The following CD47 variants were observed in gnomAD, a reference collection of about 807,000 sequenced individuals.
CD47 encodes leukocyte surface antigen CD47.
Under a neutral mutation model 44.6 loss-of-function variants are expected in CD47, and 11 were observed. The ratio of observed to expected loss-of-function variants is 0.25; its 90% CI spans 0.16 to 0.41. The LOEUF (loss-of-function observed/expected upper bound fraction) is 0.41, where lower values mean the gene tolerates loss of function less well. Ranked by LOEUF, CD47 falls within the 10% of genes least tolerant of loss-of-function variation. The probability of loss-of-function intolerance (pLI) is 1.00; values close to 1 mark genes in which losing one functional copy is unlikely to be tolerated. For missense variants in CD47, 306 were observed against 386.7 expected, an observed-to-expected ratio of 0.79 and a Z score of 1.75; for synonymous variants, 140 against 136.3, an observed-to-expected ratio of 1.03 and a Z score of -0.19.
chr3:108,080,367 T>C, intron 1 of CD47, 23 bp from the exon 2 acceptor site: 1 of 1,263,988 alleles, frequency 7.9e-7, no homozygotes, highest in Non-Finnish European at 1.1e-6. Context: ...AAGAAAAATG[T>C]TTCATTAATT....
At chr3:108,077,023 C>T (rs2079322458) in intron 2 of CD47, among the ~76,000 whole-genome samples, 1 of 152,132 alleles carries the variant, frequency 6.6e-6, no homozygotes, top group African/African-American at 2.4e-5. Context: ...CTATATCATA[C>T]ATAGGCACAG....
At chr3:108,078,999 C>G (rs1413890345) in intron 2 of CD47, among the ~76,000 whole-genome samples, 1 of 152,044 alleles carries the variant, frequency 6.6e-6, no homozygotes, top group Non-Finnish European at 1.5e-5. Context: ...GGGGCTGTAA[C>G]TCAGACCTCC....
chr3:108,061,887 GT>G (rs949468493), intron 3 of CD47, among the ~76,000 whole-genome samples: 7 of 151,990 alleles, frequency 4.6e-5, no homozygotes, highest in African/African-American at 1.2e-4. Flanking sequence ...TTAGCATTTA[GT>G]TTTTTTTCTT....
At chr3:108,070,676 A>C (rs2079183780) in intron 3 of CD47, among the ~76,000 whole-genome samples, 1 of 152,196 alleles carries the variant, frequency 6.6e-6, no homozygotes, top group Non-Finnish European at 1.5e-5. Flanking sequence ...GAGAAAATCA[A>C]ACTGGGAAAA....
At chr3:108,081,751 C>T (rs1017034989) in intron 1 of CD47, among the ~76,000 whole-genome samples, 3 of 152,028 alleles carry the variant, frequency 2.0e-5, no homozygotes, top group East Asian at 3.9e-4. Context: ...GAAAACATAG[C>T]GGCAAGTGCT....
chr3:108,076,203 A>G (rs2079307855), intron 2 of CD47, among the ~76,000 whole-genome samples: 1 of 152,190 alleles, frequency 6.6e-6, no homozygotes, highest in African/African-American at 2.4e-5. Context: ...AAGCTGCTAT[A>G]TTTGTAGTTG....
chr3:108,077,248 G>A (rs946738445), intron 2 of CD47, among the ~76,000 whole-genome samples: 40 of 152,146 alleles, frequency 2.6e-4, no homozygotes, highest in African/African-American at 7.0e-4. Flanking sequence ...CTCAAAGTCC[G>A]TGACAAGTAA....
At chr3:108,049,975 G>C (rs1440996458) in intron 9 of CD47, among the ~76,000 whole-genome samples, 5 of 152,078 alleles carry the variant, frequency 3.3e-5, no homozygotes, top group Non-Finnish European at 7.3e-5. Context: ...TCTCTACTAG[G>C]GGGTGCCATG....
intron 1 of CD47, among the ~76,000 whole-genome samples, chr3:108,082,136 A>C (rs1320389438): frequency 1.3e-5 from 2 of 151,968 alleles, no homozygotes; most frequent in African/African-American, 4.8e-5. Context: ...AATATGGTGA[A>C]GATTTTGAAA....
At chr3:108,052,469 TAAAGA>T (rs1218333484) in intron 7 of CD47, 2 of 156,008 alleles carry the variant, frequency 1.3e-5, no homozygotes, top group African/African-American at 4.8e-5. Context: ...GCTAACAAAC[TAAAGA>T]AAATACTCAG....
chr3:108,071,245 T>C (rs2079195371), intron 2 of CD47, 63 bp from the exon 3 acceptor site: 2 of 738,944 alleles, frequency 2.7e-6, no homozygotes, highest in East Asian at 2.8e-5. Flanking sequence ...ATTCTGCTAA[T>C]GGTCTATAAT....
rs1206138977 is a variant in CD47, at chr3:108,043,096, C to A, written c.*4192G>T. 1 of 152,350 alleles carries A rather than the reference C, an allele frequency of 6.6e-6. No homozygotes were observed. Among genetic ancestry groups the A allele is most frequent in the Non-Finnish European group, 1.5e-5 (1 of 68,024 alleles). The allele number at this position is 152,350 out of a possible 1,614,324, so 9.4% of individuals were successfully genotyped here. On this transcript the variant is annotated 3_prime_UTR_variant, in exon 11 of 11. Transcript: ENST00000361309. ...AAAAATAATTATGAAACACATTGGA[C>A]TGATTTAAAACTTTTAATTAAAACT...
At chr3:108,048,477 C>T (rs952696958) in intron 10 of CD47, among the ~76,000 whole-genome samples, 18 of 147,010 alleles carry the variant, frequency 1.2e-4, no homozygotes, top group Non-Finnish European at 2.4e-4. Context: ...CTCTGCCTCC[C>T]GGGTTCACGC....
intron 3 of CD47, among the ~76,000 whole-genome samples, chr3:108,062,952 T>C (rs570288249): frequency 6.6e-6 from 1 of 151,988 alleles, no homozygotes; most frequent in Non-Finnish European, 1.5e-5. Context: ...CCATGCCTGG[T>C]GACTTACATC....
Position 108,060,791 on chromosome 3 carries a change from T to C in CD47, c.552A>G (p.Leu184=), listed in dbSNP as rs147918576. The C allele has an allele frequency of 2.5e-5, 41 of 1,613,184 alleles. No homozygotes were observed. Among genetic ancestry groups the C allele is most frequent in the Middle Eastern group, 1.7e-4 (1 of 6,060 alleles). ...EKTIALLVAG[L]VITVIVIVGA... is the part of the protein sequence containing the mutation. ...CAACAATGACAATGACAGTGATCAC[T>C]AGTCCAGCAACAAGTAAAGCAATTG... The change falls in exon 4 of 11, where the codon CTA becomes CTG. Residue 184 remains leucine (L), a synonymous_variant. Coordinates refer to ENST00000361309, the MANE Select transcript of CD47 (RefSeq NM_001777.4).
In CD47 at chr3:108,057,626, A is replaced by C. The variant is rs2078933542; in HGVS notation, c.785-57T>G. The C allele has an allele frequency of 8.0e-6, 7 of 869,792 alleles. No individual in the cohort carries two copies. The South Asian group carries it at 1.0e-4, about 13-fold the overall frequency. 53.9% of individuals were successfully genotyped at this position (869,792 alleles called of 1,614,324 possible). ...AAGCATATGAAATAACTTACTAAAA[A>C]ACAGTAATAATCCCAAGTTTTAAGA... is the stretch of plus-strand genomic sequence containing the variant. On this transcript the variant is annotated intron_variant, in intron 6 of 10. Coordinates refer to ENST00000361309, the MANE Select transcript of CD47 (RefSeq NM_001777.4).
chr3:108,047,361 C>A, intron 10 of CD47, 69 bp from the exon 11 acceptor site: 1 of 1,309,444 alleles, frequency 7.6e-7, no homozygotes, highest in Non-Finnish European at 1.1e-6. Flanking sequence ...AAAGTTGACA[C>A]ATTAAAAAAA....
intron 2 of CD47, among the ~76,000 whole-genome samples, chr3:108,079,512 T>C (rs1484735250): frequency 6.9e-6 from 1 of 144,766 alleles, no homozygotes. Flanking sequence ...TCTCCTCTAT[T>C]CTCTCCAGAG....
chr3:108,060,487 G>A (rs2078990808), intron 4 of CD47, among the ~76,000 whole-genome samples: 1 of 152,152 alleles, frequency 6.6e-6, no homozygotes, highest in Non-Finnish European at 1.5e-5. Context: ...GATAAACACT[G>A]TCATTCTTCA....
Sources: gnomAD v4.1 joint callset for allele counts (sites outside exome capture counted in the v4.1 genomes callset) on GRCh38, gnomAD v4.1.1 for gene constraint, MANE v1.5 for transcripts, NCBI Gene and HGNC (gene_info 2026-07-23, HGNC 2026-07-21) for gene names.